Variants in HSPG2 observed in about 807,000 individuals in gnomAD.
HSPG2 encodes heparan sulfate proteoglycan 2, also known as basement membrane-specific heparan sulfate proteoglycan core protein.
Under a neutral mutation model 526.6 loss-of-function variants are expected in HSPG2, and 278 were observed. That is an observed-to-expected ratio of 0.53 (90% CI 0.48 to 0.58). The LOEUF (loss-of-function observed/expected upper bound fraction) is 0.58, where lower values mean the gene tolerates loss of function less well. Ranked by LOEUF, HSPG2 falls within the 20% of genes least tolerant of loss-of-function variation. The probability of loss-of-function intolerance (pLI) is 0.00; values close to 1 mark genes in which losing one functional copy is unlikely to be tolerated. For missense variants in HSPG2, 5,354 were observed against 6,099.5 expected, an observed-to-expected ratio of 0.88 and a Z score of 4.07; for synonymous variants, 2,465 against 2,555.4, an observed-to-expected ratio of 0.96 and a Z score of 1.07.
At chr1:21,936,995 C>T (rs1644505011) in intron 1 of HSPG2, among the ~76,000 whole-genome samples, 160 bp downstream of exon 1, 2 of 151,998 alleles carry the variant, frequency 1.3e-5, no homozygotes, top group African/African-American at 4.8e-5. Flanking sequence ...CGCAGGGTGG[C>T]GCCGGCCCGG....
intron 17 of HSPG2, 112 bp from the exon 18 acceptor site, chr1:21,879,233 C>A (rs1641323647): frequency 1.6e-6 from 2 of 1,287,398 alleles, no homozygotes; most frequent in Admixed American, 3.6e-5. Flanking sequence ...GGAGGCACAG[C>A]TTTGCAGACA....
At chr1:21,830,907 G>A (rs982289984) in intron 85 of HSPG2, 75 bp downstream of exon 85, 33 of 954,458 alleles carry the variant, frequency 3.5e-5, no homozygotes, top group African/African-American at 1.1e-4. Context: ...GGTTGAGATG[G>A]TGGTGGATAT....
rs1002867203 is a variant in HSPG2 at position 21,935,656 on chromosome 1, C to T, written c.63+1499G>A. On this transcript the variant is annotated intron_variant, in intron 1 of 96. Transcript: ENST00000374695. ...GCAAACAACTCCACCCACCGCCATC[C>T]TACCGCACCCGGGCATGGAGGAGCC... Among the ~76,000 whole-genome samples, 3 of 152,362 alleles carry T rather than the reference C, an allele frequency of 2.0e-5. No individual in the cohort carries two copies. In the East Asian group the frequency reaches 5.8e-4, roughly 29 times the overall value.
intron 69 of HSPG2, 137 bp downstream of exon 69, chr1:21,841,865 G>T: frequency 7.4e-7 from 1 of 1,358,768 alleles, no homozygotes; most frequent in East Asian, 2.3e-5. Flanking sequence ...TTGCCATACA[G>T]AGACGGGAAG....
intron 1 of HSPG2, among the ~76,000 whole-genome samples, chr1:21,921,416 T>A (rs1644035008): frequency 6.6e-6 from 1 of 152,164 alleles, no homozygotes; most frequent in Non-Finnish European, 1.5e-5. Flanking sequence ...ATACCAGAGT[T>A]CACATTGCAC....
rs1638944321 is a variant in HSPG2, at chr1:21,852,014, G to A, written c.6870+74C>T. ...TGTCCCCCCGATCTAGGAAGTGCCAGCCCCTCAGCCTAGGGGCCAGGATCC... is the reference window on the plus strand; with the variant it reads ...TGTCCCCCCGATCTAGGAAGTGCCAACCCCTCAGCCTAGGGGCCAGGATCC... On this transcript the variant is annotated intron_variant, in intron 53 of 96. Coordinates refer to ENST00000374695, the MANE Select transcript of HSPG2 (RefSeq NM_005529.7). The A allele has an allele frequency of 4.3e-6, 7 of 1,611,014 alleles. No homozygotes were observed. The East Asian group carries it at 1.3e-4, about 31-fold the overall frequency.
intron 75 of HSPG2, among the ~76,000 whole-genome samples, chr1:21,836,269 T>C (rs2098025918): frequency 6.6e-6 from 1 of 152,234 alleles, no homozygotes; most frequent in African/African-American, 2.4e-5. Flanking sequence ...CACTGTTTAC[T>C]GAAGGCCTTC....
At chr1:21,873,183 G>T (rs1640791501) in intron 30 of HSPG2, 92 bp from the exon 31 acceptor site, 1 of 1,241,306 alleles carries the variant, frequency 8.1e-7, no homozygotes, top group Non-Finnish European at 1.2e-6. Context: ...CGGGAGCTCT[G>T]ATTTCTGATG....
In HSPG2 at chr1:21,898,950, T is replaced by C. The variant is rs922592398; in HGVS notation, c.64-2640A>G. 6.6e-6 allele frequency among the ~76,000 whole-genome samples: 1 copy of C among 151,938 alleles called. No homozygotes were observed. Among genetic ancestry groups the C allele is most frequent in the Non-Finnish European group, 1.5e-5 (1 of 67,980 alleles). Reference sequence around the variant, plus strand: ...GCTGGTCAGCGGGTGGCGGCGGGGGTGGCCTTGGGACCAGACAGGAAATAG... The same window carrying C: ...GCTGGTCAGCGGGTGGCGGCGGGGGCGGCCTTGGGACCAGACAGGAAATAG... On this transcript the variant is annotated intron_variant, in intron 1 of 96. Coordinates refer to ENST00000374695, the MANE Select transcript of HSPG2 (RefSeq NM_005529.7). The surrounding 1 kb of genome is among the most constrained non-coding windows in gnomAD (Gnocchi z 4.0).
rs1257292760 is a variant in HSPG2, at chr1:21,852,941, C to T, written c.6569G>A (p.Gly2190Asp). 6.2e-7 allele frequency: 1 copy of T among 1,613,210 alleles called. No individual in the cohort carries two copies. Among genetic ancestry groups the T allele is most frequent in the Non-Finnish European group, 8.5e-7 (1 of 1,179,846 alleles). Residue 2190 changes from glycine to aspartate, a missense_variant, in exon 51 of 97, where the codon GGC becomes GAC. By Grantham distance (94) the Gly-to-Asp change is moderately conservative. Coordinates refer to ENST00000374695, the MANE Select transcript of HSPG2 (RefSeq NM_005529.7). ...HAQVTWHKRGGSLPARHQTHG... is the reference protein window; with the variant it reads ...HAQVTWHKRGDSLPARHQTHG... ...TACCTGGTGCCGGGCAGGGAGGCTG[C>T]CCCCACGCTTGTGCCACGTGACCTG...
chr1:21,853,003 C>T lies in HSPG2; in HGVS notation c.6507G>A (p.Leu2169=), dbSNP rs754655674. The part of the protein sequence containing the change: ...SSSHVAEGQT[L]DLNCVVPGQA... Reference sequence around the variant, plus strand: ...GCCCGGGCACCACGCAGTTCAGATCCAGGGTCTGCCCTTCCGCCACGTGTG... The same window carrying T: ...GCCCGGGCACCACGCAGTTCAGATCTAGGGTCTGCCCTTCCGCCACGTGTG... The change falls in exon 51 of 97, where the codon CTG becomes CTA. Residue 2169 remains leucine (L), a synonymous_variant. Coordinates refer to ENST00000374695, the MANE Select transcript of HSPG2 (RefSeq NM_005529.7). 6 of 1,613,722 alleles carry T rather than the reference C, an allele frequency of 3.7e-6. No homozygotes were observed. Among genetic ancestry groups the T allele is most frequent in the Admixed American group, 1.7e-5 (1 of 60,008 alleles).
chr1:21,829,085 G>C lies in HSPG2; in HGVS notation c.11993-6C>G. The C allele has an allele frequency of 3.3e-6, 5 of 1,535,514 alleles. No homozygotes were observed. The highest frequency in any genetic ancestry group is 4.4e-6 in the Non-Finnish European group (5 of 1,143,996). On this transcript the variant is annotated splice_polypyrimidine_tract_variant and splice_region_variant and intron_variant, in intron 87 of 96. Coordinates refer to ENST00000374695, the MANE Select transcript of HSPG2 (RefSeq NM_005529.7). The stretch of plus-strand genomic sequence containing the variant: ...GCTCCGCAGAACGGCCAGCCCTGGG[G>C]AGGATGCCAGGCAGGGTTGGGCACA...
At chr1:21,888,856 T>C (rs1194237642) in intron 6 of HSPG2, 1 of 423,096 alleles carries the variant, frequency 2.4e-6, no homozygotes, top group East Asian at 7.4e-5. Flanking sequence ...CCCCCAGCAG[T>C]CTTTAGACCT....
At chr1:21,922,758 C>T (rs1245515189) in intron 1 of HSPG2, among the ~76,000 whole-genome samples, 1 of 152,178 alleles carries the variant, frequency 6.6e-6, no homozygotes, top group Non-Finnish European at 1.5e-5. Flanking sequence ...AGAGAATTCC[C>T]TTCAATTGCT....
At chr1:21,875,793 T>G in intron 24 of HSPG2, 46 bp from the exon 25 acceptor site, 1 of 1,606,674 alleles carries the variant, frequency 6.2e-7, no homozygotes, top group Admixed American at 1.7e-5. Flanking sequence ...CGTCCTGGAG[T>G]ATTGAATGCC....
intron 52 of HSPG2, 118 bp from the exon 53 acceptor site, chr1:21,852,351 C>A: frequency 7.7e-7 from 1 of 1,299,714 alleles, no homozygotes; most frequent in Non-Finnish European, 1.1e-6. Flanking sequence ...GCTTTTCAGG[C>A]ATCTGGGGGC....
intron 1 of HSPG2, among the ~76,000 whole-genome samples, chr1:21,934,291 T>C (rs1052158334): frequency 1.3e-5 from 2 of 152,124 alleles, no homozygotes; most frequent in African/African-American, 4.8e-5. Flanking sequence ...AGAGCAAGGG[T>C]AGCAGGCAAA....
chr1:21,853,748 C>CTCTCA (rs1487299565), intron 50 of HSPG2: 1 of 133,106 alleles, frequency 7.5e-6, no homozygotes. Context: ...GACTCTCTCT[C>CTCTCA]AAAAAAATAA....
intron 85 of HSPG2, chr1:21,830,745 C>A: frequency 5.9e-6 from 2 of 337,538 alleles, no homozygotes; most frequent in Non-Finnish European, 1.0e-5. Flanking sequence ...GCCTGGGTGG[C>A]GGGGTAGTGG....
Sources: allele counts gnomAD v4.1 joint callset (sites outside exome capture counted in the v4.1 genomes callset), GRCh38; gene constraint gnomAD v4.1.1; non-coding constraint Gnocchi (gnomAD v3.1); transcripts MANE v1.5; gene names NCBI Gene and HGNC (gene_info 2026-07-23, HGNC 2026-07-21).